Variants in GSK3B observed in about 807,000 individuals in gnomAD.
The protein encoded by GSK3B is glycogen synthase kinase 3 beta.
In GSK3B, 15 loss-of-function variants were observed where a neutral mutation model predicts 56.4. The observed-to-expected ratio is 0.27, with a 90% CI of 0.18 to 0.41. The LOEUF (loss-of-function observed/expected upper bound fraction) is 0.41. GSK3B is among the 10% of genes least tolerant of loss of function. GSK3B has a pLI of 1.00. For missense variants in GSK3B, 300 were observed against 513.4 expected (o/e 0.58, Z 4.02); for synonymous variants, 181 against 188.9 (o/e 0.96, Z 0.34).
At chr3:120,090,232 A>T (rs1023451385) in intron 1 of GSK3B, among the ~76,000 whole-genome samples, 15 of 39,494 alleles carry the variant, frequency 3.8e-4, no homozygotes, top group Admixed American at 1.9e-3. Context: ...GCTGTATATA[A>T]AAAAAAAAAA....
At chr3:119,852,544 C>T (rs1276600686) in intron 9 of GSK3B, among the ~76,000 whole-genome samples, 3 of 151,946 alleles carry the variant, frequency 2.0e-5, no homozygotes, top group African/African-American at 4.8e-5. Flanking sequence ...GACGGGTTTT[C>T]GCCATGTTGG....
chr3:119,827,439 G>T (rs903974952), intron 10 of GSK3B, among the ~76,000 whole-genome samples: 4 of 151,928 alleles, frequency 2.6e-5, no homozygotes, highest in Non-Finnish European at 5.9e-5. Flanking sequence ...ATGGATAAAA[G>T]AAAATGTGGT....
rs71619762 is a variant in GSK3B, at chr3:119,930,080, T to TACACACACACACAC, written c.367-6611_367-6598dup. ...GACGACACAGTGAGATTCTGTCTCCTACACACACACACACACACACACACA... is the reference window on the plus strand; with the variant it reads ...GACGACACAGTGAGATTCTGTCTCCTACACACACACACACACACACACACACACACACACACACA... On this transcript the variant is annotated intron_variant, in intron 3 of 10. Coordinates refer to ENST00000264235, the MANE Select transcript of GSK3B (RefSeq NM_001146156.2). Among the ~76,000 whole-genome samples, 123 of 133,594 alleles carry TACACACACACACAC rather than the reference T, an allele frequency of 9.2e-4. 1 individual carries two copies. The highest frequency in any genetic ancestry group is 3.0e-3 in the African/African-American group (104 of 34,520). The allele number at this position is 133,594 out of a possible 152,430, so 87.6% of individuals were successfully genotyped here.
chr3:120,031,147 G>C (rs2057972163), intron 1 of GSK3B, among the ~76,000 whole-genome samples: 1 of 152,046 alleles, frequency 6.6e-6, no homozygotes, highest in Admixed American at 6.5e-5. Flanking sequence ...TTTAATGGTA[G>C]GTCTAGAATT....
At chr3:120,027,376 C>G (rs1421264013) in intron 1 of GSK3B, among the ~76,000 whole-genome samples, 1 of 139,654 alleles carries the variant, frequency 7.2e-6, no homozygotes, top group Non-Finnish European at 1.5e-5. Context: ...GACTCTGTCT[C>G]AGGAAAAAAA....
chr3:119,913,896 C>G (rs953192397), intron 5 of GSK3B, among the ~76,000 whole-genome samples: 1 of 152,052 alleles, frequency 6.6e-6, no homozygotes, highest in Non-Finnish European at 1.5e-5. Context: ...TGTTTTTAGG[C>G]TGCATGAAAA....
intron 1 of GSK3B, among the ~76,000 whole-genome samples, chr3:120,040,578 T>A (rs2058057815): frequency 1.3e-5 from 2 of 151,850 alleles, no homozygotes; most frequent in South Asian, 4.2e-4. Flanking sequence ...AAGTCTTTAG[T>A]ACAAGGGATT....
intron 8 of GSK3B, among the ~76,000 whole-genome samples, chr3:119,867,829 G>A (rs2056202664): frequency 6.6e-6 from 1 of 152,062 alleles, no homozygotes; most frequent in Non-Finnish European, 1.5e-5. Flanking sequence ...ATTACTTTTA[G>A]TCTGCAGACT....
chr3:119,972,360 A>G (rs1187138438), intron 2 of GSK3B, among the ~76,000 whole-genome samples: 2 of 152,240 alleles, frequency 1.3e-5, no homozygotes, highest in Admixed American at 1.3e-4. Flanking sequence ...AAGATTTAGA[A>G]GGACCTACAA....
At chr3:119,856,556 T>C (rs2056025713) in intron 9 of GSK3B, among the ~76,000 whole-genome samples, 1 of 152,212 alleles carries the variant, frequency 6.6e-6, no homozygotes, top group Admixed American at 6.5e-5. Flanking sequence ...CACTCATTAT[T>C]TGTCATTACT....
At chr3:120,092,597 T>A (rs2058522498) in intron 1 of GSK3B, among the ~76,000 whole-genome samples, 1 of 152,218 alleles carries the variant, frequency 6.6e-6, no homozygotes, top group Admixed American at 6.5e-5. Context: ...CCAAGTTAAC[T>A]TTTGATTAAA....
intron 1 of GSK3B, among the ~76,000 whole-genome samples, chr3:120,045,753 A>G (rs568469622): frequency 1.3e-5 from 2 of 152,328 alleles, no homozygotes; most frequent in African/African-American, 4.8e-5. Flanking sequence ...ATTTACTTCC[A>G]ACATGTCTAC....
chr3:119,943,886 G>A (rs75245505), intron 3 of GSK3B, among the ~76,000 whole-genome samples: 3,933 of 151,730 alleles, frequency 0.026, 176 homozygotes, highest in African/African-American at 0.089. Flanking sequence ...ACCAAGAGAG[G>A]GGGGACAAAA....
chr3:119,850,588 T>A (rs1336305504), intron 9 of GSK3B, among the ~76,000 whole-genome samples: 1 of 152,208 alleles, frequency 6.6e-6, no homozygotes, highest in Non-Finnish European at 1.5e-5. Flanking sequence ...TGTTTTTTTT[T>A]AATCCCAACC....
chr3:120,063,552 C>CG (rs2058255192), intron 1 of GSK3B, among the ~76,000 whole-genome samples: 1 of 151,042 alleles, frequency 6.6e-6, no homozygotes, highest in East Asian at 2.0e-4. Context: ...CATGGTGAAA[C>CG]CCTGTCTCTA....
At chr3:120,062,223 T>C (rs1379726999) in intron 1 of GSK3B, among the ~76,000 whole-genome samples, 1 of 152,232 alleles carries the variant, frequency 6.6e-6, no homozygotes, top group African/African-American at 2.4e-5. Flanking sequence ...TGTGAATTCA[T>C]TGCCAAAAAT....
At chr3:120,040,440 T>A (rs2058056624) in intron 1 of GSK3B, among the ~76,000 whole-genome samples, 1 of 152,172 alleles carries the variant, frequency 6.6e-6, no homozygotes, top group Non-Finnish European at 1.5e-5. Context: ...TAGGTGGGGC[T>A]AAAGGATAGG....
intron 1 of GSK3B, among the ~76,000 whole-genome samples, chr3:120,014,132 C>CAAAAAA (rs886541816): frequency 3.9e-5 from 3 of 77,480 alleles, no homozygotes; most frequent in Admixed American, 1.4e-4. Flanking sequence ...GAGACTCTGT[C>CAAAAAA]AAAAAAAAAA....
chr3:120,019,610 T>G (rs1223205142), intron 1 of GSK3B, among the ~76,000 whole-genome samples: 1 of 152,194 alleles, frequency 6.6e-6, no homozygotes, highest in Non-Finnish European at 1.5e-5. Context: ...ACTCAGAACC[T>G]AAAATACAAT....
Sources: allele counts gnomAD v4.1 joint callset (sites outside exome capture counted in the v4.1 genomes callset), GRCh38; gene constraint gnomAD v4.1.1; transcripts MANE v1.5; gene names NCBI Gene and HGNC (gene_info 2026-07-23, HGNC 2026-07-21).